Variants in THNSL1 observed in about 807,000 individuals in gnomAD.
THNSL1 encodes threonine synthase like 1, also known as threonine synthase-like 1.
Under a neutral mutation model 50.4 loss-of-function variants are expected in THNSL1, and 48 were observed. The observed-to-expected ratio is 0.95, with a 90% confidence interval of 0.76 to 1.21. THNSL1 has a LOEUF of 1.21. Ranked by LOEUF, THNSL1 falls within the 50% of genes most tolerant of loss-of-function variation. THNSL1 has a pLI of 0.00. For synonymous variants in THNSL1, 309 were observed against 306.1 expected (o/e 1.01, Z -0.10); for missense variants, 896 against 871.7 (o/e 1.03, Z -0.35).
chr10:25,016,051 C>T, upstream of THNSL1: 2 of 1,453,676 alleles, frequency 1.4e-6, no homozygotes, highest in Non-Finnish European at 1.8e-6. Context: ...TTCTGAAGGA[C>T]CACAGGTTCT....
At chr10:24,966,439 C>CT in the THNSL1 span, among the ~76,000 whole-genome samples, 1 of 152,152 alleles carries the variant, frequency 6.6e-6, no homozygotes. Flanking sequence ...TGCTGTGGGC[C>CT]TTTTTTTGGA....
the THNSL1 span, chr10:24,984,668 G>A: frequency 1.0e-5 from 15 of 1,441,720 alleles, no homozygotes; most frequent in Non-Finnish European, 1.3e-5. Context: ...AAAACTTGGA[G>A]TTTTTTATAT....
chr10:24,960,844 C>T, the THNSL1 span, among the ~76,000 whole-genome samples: 1 of 152,142 alleles, frequency 6.6e-6, no homozygotes, highest in South Asian at 2.1e-4. Context: ...CCCGCCTTGG[C>T]CTCCCAAAGT....
chr10:25,007,553 G>C, the THNSL1 span, among the ~76,000 whole-genome samples: 1 of 152,136 alleles, frequency 6.6e-6, no homozygotes, highest in Non-Finnish European at 1.5e-5. Flanking sequence ...TCCTGCCTCA[G>C]CCTCCAGAGT....
chr10:24,988,664 GTATATATATATATATATATATA>G, the THNSL1 span, among the ~76,000 whole-genome samples: 3,905 of 98,048 alleles, frequency 0.04, 88 homozygotes, highest in Non-Finnish European at 0.061. Context: ...CACAGCATAT[GTATATATATATATATATATATA>G]TATATATATA....
chr10:24,988,635 G>A, the THNSL1 span, among the ~76,000 whole-genome samples: 1 of 88,710 alleles, frequency 1.1e-5, no homozygotes, highest in East Asian at 3.6e-4. Flanking sequence ...TCTTTAGCTG[G>A]CCTGAAAATG....
the THNSL1 span, among the ~76,000 whole-genome samples, chr10:24,979,984 C>T: frequency 6.6e-6 from 1 of 152,168 alleles, no homozygotes; most frequent in Non-Finnish European, 1.5e-5. Context: ...ATTTTTACCT[C>T]TTAAATATTT....
At chr10:25,010,599 C>A in the THNSL1 span, among the ~76,000 whole-genome samples, 1 of 151,330 alleles carries the variant, frequency 6.6e-6, no homozygotes, top group Non-Finnish European at 1.5e-5. Flanking sequence ...CCCCCCTACC[C>A]CCACCCCACA....
chr10:24,990,327 T>G, the THNSL1 span: 1 of 1,174,556 alleles, frequency 8.5e-7, no homozygotes, highest in Non-Finnish European at 1.2e-6. Context: ...CTGTATGTAG[T>G]TTTTAACTGT....
At chr10:25,000,657 T>C in the THNSL1 span, among the ~76,000 whole-genome samples, 16 of 152,264 alleles carry the variant, frequency 1.1e-4, no homozygotes, top group African/African-American at 3.4e-4. Flanking sequence ...TGTAATAGTA[T>C]ATGTTTTTCC....
chr10:24,980,268 C>G, the THNSL1 span, among the ~76,000 whole-genome samples: 1 of 152,174 alleles, frequency 6.6e-6, no homozygotes, highest in Middle Eastern at 3.4e-3. Flanking sequence ...CTTGCCTATC[C>G]GTCAAGGGTT....
the THNSL1 span, among the ~76,000 whole-genome samples, chr10:24,959,883 G>A: frequency 5.9e-5 from 9 of 152,084 alleles, no homozygotes; most frequent in South Asian, 4.2e-4. Flanking sequence ...TTTTCTCTTC[G>A]TAAAAATATA....
In THNSL1 at chr10:25,025,536, T is replaced by C. The variant is rs1361805011; in HGVS notation, c.*81T>C. On this transcript the variant is annotated 3_prime_UTR_variant, in exon 3 of 3. Coordinates refer to ENST00000376356, the MANE Select transcript of THNSL1 (RefSeq NM_024838.5). ...AACACTGATTTGGAGTACAGTAGCA[T>C]TTTGTCTTTTATGTAAATATCTCTA... is the stretch of plus-strand genomic sequence containing the variant. 7.4e-7 allele frequency: 1 copy of C among 1,352,040 alleles called. No homozygotes were observed. Among genetic ancestry groups the C allele is most frequent in the African/African-American group, 1.5e-5 (1 of 67,732 alleles). 83.8% of individuals were successfully genotyped at this position (1,352,040 alleles called of 1,614,324 possible).
At chr10:24,981,131 G>T in the THNSL1 span, among the ~76,000 whole-genome samples, 1 of 152,134 alleles carries the variant, frequency 6.6e-6, no homozygotes, top group Non-Finnish European at 1.5e-5. Context: ...TTTAAAAATC[G>T]ATGTCCAGGC....
chr10:25,003,158 TTTAA>T, the THNSL1 span, among the ~76,000 whole-genome samples: 1,006 of 142,390 alleles, frequency 7.1e-3, 7 homozygotes, highest in Non-Finnish European at 0.012. Context: ...TCAGTGTTTC[TTTAA>T]TTAATTAATT....
the THNSL1 span, among the ~76,000 whole-genome samples, chr10:24,972,114 C>T: frequency 1.3e-5 from 2 of 151,880 alleles, no homozygotes; most frequent in Non-Finnish European, 1.5e-5. Context: ...ATCACTTAAA[C>T]CCAGGAGGTG....
At position 25,024,145 on chromosome 10, in the gene THNSL1, G is replaced by T. The variant is rs767597413; in HGVS notation, c.922G>T (p.Ala308Ser). Residue 308 changes from alanine (A) to serine (S), a missense_variant, in exon 3 of 3, where the codon GCC becomes TCC. Coordinates refer to ENST00000376356, the MANE Select transcript of THNSL1 (RefSeq NM_024838.5). ...TATCCATCCTGCAGACATACCTGCT[G>T]CCAGGTTGGGAGAAATGATTGAAAC... is the stretch of plus-strand genomic sequence containing the variant. ...RCIHPADIPA[A>S]RLGEMIETAY... 4 of 1,614,178 alleles carry T rather than the reference G, an allele frequency of 2.5e-6. No homozygotes were observed. The South Asian group carries it at 3.3e-5, about 13-fold the overall frequency.
chr10:24,964,370 C>A, the THNSL1 span, among the ~76,000 whole-genome samples: 12 of 152,206 alleles, frequency 7.9e-5, no homozygotes, highest in East Asian at 1.2e-3. Context: ...ATGGGAATAA[C>A]GAGAGAAAAG....
At chr10:24,957,566 C>T in the THNSL1 span, among the ~76,000 whole-genome samples, 1 of 152,102 alleles carries the variant, frequency 6.6e-6, no homozygotes, top group South Asian at 2.1e-4. Flanking sequence ...CTGCAACCTC[C>T]GCATCTCAGA....
Sources: gnomAD v4.1 joint callset for allele counts (sites outside exome capture counted in the v4.1 genomes callset) on GRCh38, gnomAD v4.1.1 for gene constraint, MANE v1.5 for transcripts, NCBI Gene and HGNC (gene_info 2026-07-23, HGNC 2026-07-21) for gene names.